Variants in UVRAG observed in about 807,000 individuals in gnomAD.
The protein encoded by UVRAG is UV radiation resistance associated.
In UVRAG, 19 loss-of-function variants were observed where a neutral mutation model predicts 78.0. The ratio of observed to expected loss-of-function variants is 0.24; its 90% confidence interval spans 0.17 to 0.36. The LOEUF is 0.36. UVRAG is among the 10% of genes least tolerant of loss of function. The pLI is 1.00. For synonymous variants in UVRAG, 323 were observed against 324.6 expected (o/e 1.00, Z 0.05); for missense variants, 740 against 853.8 (o/e 0.87, Z 1.66).
At chr11:76,022,330 G>C (rs750885736) in intron 12 of UVRAG, among the ~76,000 whole-genome samples, 3 of 152,028 alleles carry the variant, frequency 2.0e-5, no homozygotes, top group African/African-American at 4.8e-5. Flanking sequence ...TCAAGTCCTC[G>C]ATTTCCTTAT....
intron 1 of UVRAG, among the ~76,000 whole-genome samples, chr11:75,822,922 G>A (rs1945430172): frequency 1.3e-5 from 2 of 151,964 alleles, no homozygotes; most frequent in African/African-American, 4.8e-5. Flanking sequence ...GGAGGATGGG[G>A]AGTGGGGCTG....
chr11:76,004,740 TC>T (rs1949894664), intron 9 of UVRAG, among the ~76,000 whole-genome samples: 1 of 152,082 alleles, frequency 6.6e-6, no homozygotes, highest in East Asian at 1.9e-4. Context: ...ATGCTCCACC[TC>T]AACCTCCCAA....
At chr11:75,857,615 G>A (rs1457553609) in intron 2 of UVRAG, among the ~76,000 whole-genome samples, 2 of 151,090 alleles carry the variant, frequency 1.3e-5, no homozygotes, top group Non-Finnish European at 2.9e-5. Context: ...TTAGCCTCCC[G>A]AATAGCTAGG....
intron 2 of UVRAG, among the ~76,000 whole-genome samples, chr11:75,855,245 A>G (rs1946262875): frequency 6.6e-6 from 1 of 152,198 alleles, no homozygotes; most frequent in African/African-American, 2.4e-5. Context: ...AGTTATCTCA[A>G]TGAGATATCT....
chr11:75,865,390 T>G (rs374841552), intron 3 of UVRAG, among the ~76,000 whole-genome samples: 80 of 151,906 alleles, frequency 5.3e-4, no homozygotes, highest in African/African-American at 1.8e-3. Flanking sequence ...AACTCTTGAA[T>G]ACTCCAGATC....
At chr11:75,911,727 T>C in intron 5 of UVRAG, 2 of 383,480 alleles carry the variant, frequency 5.2e-6, no homozygotes, top group East Asian at 9.7e-5. Context: ...GGCGCGCTCC[T>C]TCTCCACTCT....
intron 13 of UVRAG, among the ~76,000 whole-genome samples, chr11:76,101,565 C>CAGA (rs760817042): frequency 6.6e-6 from 1 of 152,106 alleles, no homozygotes; most frequent in Non-Finnish European, 1.5e-5. Flanking sequence ...TTTTGCTGTG[C>CAGA]AGAAGCTCTT....
chr11:76,043,669 C>A (rs1205268873), intron 12 of UVRAG, among the ~76,000 whole-genome samples: 1 of 152,106 alleles, frequency 6.6e-6, no homozygotes, highest in Non-Finnish European at 1.5e-5. Flanking sequence ...ATTCATAAAA[C>A]AAATTATTCT....
intron 6 of UVRAG, among the ~76,000 whole-genome samples, chr11:75,944,037 C>G (rs1458015341): frequency 6.6e-6 from 1 of 152,144 alleles, no homozygotes; most frequent in Admixed American, 6.5e-5. Context: ...CACTGTAGCT[C>G]TGATCAACCT....
intron 7 of UVRAG, among the ~76,000 whole-genome samples, chr11:75,981,900 C>T (rs1032093540): frequency 2.0e-5 from 3 of 150,230 alleles, no homozygotes; most frequent in African/African-American, 7.5e-5. Context: ...TGTTTCTTTG[C>T]TGAGACTTTC....
At chr11:75,913,282 A>G (rs960550803) in intron 6 of UVRAG, among the ~76,000 whole-genome samples, 1 of 152,204 alleles carries the variant, frequency 6.6e-6, no homozygotes, top group Non-Finnish European at 1.5e-5. Context: ...AAGAAAAAAT[A>G]CTAAGTCAGG....
chr11:75,825,691 A>G (rs1007565277), intron 1 of UVRAG, among the ~76,000 whole-genome samples: 50 of 152,218 alleles, frequency 3.3e-4, no homozygotes, highest in African/African-American at 1.1e-3. Context: ...TGTTCTAGCT[A>G]TTTATTCTTG....
chr11:76,087,867 TTTTTG>T (rs568849507), intron 13 of UVRAG, among the ~76,000 whole-genome samples: 1 of 152,106 alleles, frequency 6.6e-6, no homozygotes, highest in Non-Finnish European at 1.5e-5. Context: ...TTGTTTTGGT[TTTTTG>T]TTTTGTTTTG....
At chr11:75,963,467 T>A (rs1488716430) in intron 7 of UVRAG, among the ~76,000 whole-genome samples, 1 of 152,222 alleles carries the variant, frequency 6.6e-6, no homozygotes, top group Non-Finnish European at 1.5e-5. Flanking sequence ...CACTTTGAGG[T>A]TTACCTATAG....
chr11:75,855,565 T>C (rs1490456708), intron 2 of UVRAG, among the ~76,000 whole-genome samples: 1 of 152,214 alleles, frequency 6.6e-6, no homozygotes, highest in East Asian at 1.9e-4. Flanking sequence ...CTGTCGTATC[T>C]TGTTGGTCGG....
chr11:76,041,907 AATG>A (rs983113199), intron 12 of UVRAG, among the ~76,000 whole-genome samples: 1 of 152,236 alleles, frequency 6.6e-6, no homozygotes, highest in Non-Finnish European at 1.5e-5. Flanking sequence ...GTATGAGATT[AATG>A]ATATTATTAT....
intron 5 of UVRAG, among the ~76,000 whole-genome samples, chr11:75,890,846 A>C (rs944841228): frequency 6.6e-6 from 1 of 152,206 alleles, no homozygotes; most frequent in Non-Finnish European, 1.5e-5. Context: ...AGAAAAGATG[A>C]CTGAAAAGAA....
At position 76,007,479 on chromosome 11, in the gene UVRAG, A is replaced by T; in HGVS notation, c.912-55A>T. ...GATTAATTGTGTGGAAATAAATGTTACAAAGCATGCAAGCATATATTTTTT... is the reference window on the plus strand; with the variant it reads ...GATTAATTGTGTGGAAATAAATGTTTCAAAGCATGCAAGCATATATTTTTT... On this transcript the variant is annotated intron_variant, in intron 9 of 14. Coordinates refer to ENST00000356136, the MANE Select transcript of UVRAG (RefSeq NM_003369.4). 3 of 1,356,028 alleles carry T rather than the reference A, an allele frequency of 2.2e-6. No individual in the cohort carries two copies. In the South Asian group the frequency reaches 3.7e-5, roughly 17 times the overall value. The allele number at this position is 1,356,028 out of a possible 1,614,324, so 84.0% of individuals were successfully genotyped here.
intron 7 of UVRAG, among the ~76,000 whole-genome samples, chr11:75,978,980 C>G (rs1017583736): frequency 2.0e-5 from 3 of 152,184 alleles, no homozygotes; most frequent in Non-Finnish European, 4.4e-5. Flanking sequence ...AGCTTTTCTG[C>G]TCTGGTTTCT....
Sources: allele counts gnomAD v4.1 joint callset (sites outside exome capture counted in the v4.1 genomes callset), GRCh38; gene constraint gnomAD v4.1.1; transcripts MANE v1.5; gene names NCBI Gene and HGNC (gene_info 2026-07-23, HGNC 2026-07-21).